The following SCAMP4 variants were observed in gnomAD, a reference collection of about 807,000 sequenced individuals.
SCAMP4 encodes the protein secretory carrier membrane protein 4.
Under a neutral mutation model 32.1 loss-of-function variants are expected in SCAMP4, and 19 were observed. The observed-to-expected ratio is 0.59, with a 90% CI of 0.41 to 0.87. The LOEUF (loss-of-function observed/expected upper bound fraction) is 0.87. SCAMP4 is among the 40% of genes least tolerant of loss of function. The probability of loss-of-function intolerance (pLI) is 0.00; values close to 1 mark genes in which losing one functional copy is unlikely to be tolerated. For missense variants in SCAMP4, 302 were observed against 309.0 expected, an observed-to-expected ratio of 0.98 and a Z score of 0.17; for synonymous variants, 152 against 132.7, an observed-to-expected ratio of 1.15 and a Z score of -1.00.
intron 4 of SCAMP4, 114 bp from the exon 5 acceptor site, chr19:1,918,775 A>T: frequency 2.8e-6 from 4 of 1,408,098 alleles, no homozygotes; most frequent in Non-Finnish European, 3.8e-6. Flanking sequence ...AAAAAAAAAA[A>T]AGGAATAAAA....
intron 5 of SCAMP4, chr19:1,920,607 C>T (rs893651700): frequency 1.8e-5 from 18 of 985,472 alleles, no homozygotes; most frequent in Non-Finnish European, 2.2e-5. Flanking sequence ...GCCTGGGACT[C>T]CCAGCTCTGC....
chr19:1,921,607 G>A (rs537404344), intron 5 of SCAMP4: 735 of 985,438 alleles, frequency 7.5e-4, no homozygotes, highest in African/African-American at 6.9e-3. Context: ...CTGCGGGGGC[G>A]GCGGCAGGAG....
rs142714763 is a variant in SCAMP4 at position 1,911,714 on chromosome 19, C to T, written c.-41-3265C>T. Among the ~76,000 whole-genome samples, 688 of 152,222 alleles carry T rather than the reference C, an allele frequency of 4.5e-3. 5 individuals carry two copies. The highest frequency in any genetic ancestry group is 0.016 in the African/African-American group (652 of 41,516). On this transcript the variant is annotated intron_variant, in intron 1 of 6. Transcript: ENST00000316097. ...ATGAGAATAGCTTGAACCCGGGAGGCGGAGGTTGCAGTGAGCTGAGATCAT... is the reference window on the plus strand; with the variant it reads ...ATGAGAATAGCTTGAACCCGGGAGGTGGAGGTTGCAGTGAGCTGAGATCAT...
chr19:1,912,406 G>A (rs1176081689), intron 1 of SCAMP4: 48 of 1,514,406 alleles, frequency 3.2e-5, no homozygotes, highest in Admixed American at 4.1e-5. Context: ...TCGGGCCCGC[G>A]CTCGCTGGCT....
At position 1,905,403 on chromosome 19, in the gene SCAMP4, C is replaced by G. The variant is rs549956712; in HGVS notation, c.-78C>G. The G allele has an allele frequency of 8.6e-6, 4 of 464,446 alleles. No homozygotes were observed. The highest frequency in any genetic ancestry group is 1.6e-5 in the South Asian group (1 of 63,354). 28.8% of individuals were successfully genotyped at this position (464,446 alleles called of 1,614,324 possible). On this transcript the variant is annotated 5_prime_UTR_variant, in exon 1 of 7. Coordinates refer to ENST00000316097, the MANE Select transcript of SCAMP4 (RefSeq NM_079834.4). ...GGTTGGGCCGGGCCGGTTGCTAAGA[C>G]TTGGCGAAGCGCTGCGCTCGCGCCC...
At chr19:1,921,816 C>T (rs1341985544) in intron 5 of SCAMP4, 4 of 983,062 alleles carry the variant, frequency 4.1e-6, no homozygotes, top group Non-Finnish European at 4.8e-6. Flanking sequence ...ACCATCTCTC[C>T]AGAAAAAAAA....
chr19:1,919,177 C>G, intron 5 of SCAMP4, 187 bp downstream of exon 5: 1 of 1,424,392 alleles, frequency 7.0e-7, no homozygotes, highest in Non-Finnish European at 9.2e-7. Context: ...TCGCCAGCAC[C>G]CAGCCATGGT....
intron 1 of SCAMP4, chr19:1,913,451 G>A: frequency 2.0e-6 from 1 of 511,172 alleles, no homozygotes; most frequent in South Asian, 2.3e-5. Context: ...AAACCAAGTG[G>A]GTGTCTGTTA....
At chr19:1,913,071 C>T (rs1355939016) in intron 1 of SCAMP4, 2 of 1,602,116 alleles carry the variant, frequency 1.2e-6, no homozygotes, top group Non-Finnish European at 1.7e-6. Flanking sequence ...CATCCACGCA[C>T]GGCCCGACCT....
intron 1 of SCAMP4, among the ~76,000 whole-genome samples, chr19:1,910,390 C>G (rs1345825256): frequency 1.3e-5 from 2 of 152,186 alleles, no homozygotes; most frequent in Non-Finnish European, 2.9e-5. Flanking sequence ...GCTCTGGCTT[C>G]TGGAGATGCA....
At chr19:1,912,023 TC>T (rs909452765) in intron 1 of SCAMP4, 11 of 1,418,080 alleles carry the variant, frequency 7.8e-6, no homozygotes, top group Admixed American at 3.0e-5. Flanking sequence ...TCCCCGGCTC[TC>T]CCCCAGCCGC....
rs1355808375 is a variant in SCAMP4 at position 1,923,897 on chromosome 19, TGACAGGCG to T, written c.514-210_514-203del. On this transcript the variant is annotated intron_variant, in intron 6 of 6. Coordinates refer to ENST00000316097, the MANE Select transcript of SCAMP4 (RefSeq NM_079834.4). ...GCCTCGGCCTCCCGAAGTGCTGGGA[TGACAGGCG>T]TGAGCCACCGTGCCCGGCCTATTTT... Among the ~76,000 whole-genome samples, 49 of 115,430 alleles carry T rather than the reference TGACAGGCG, an allele frequency of 4.2e-4. 1 individual carries two copies. The highest frequency in any genetic ancestry group is 1.9e-3 in the South Asian group (6 of 3,234). The allele number at this position is 115,430 out of a possible 152,430, so 75.7% of individuals were successfully genotyped here. A position where few individuals can be genotyped will look rare whatever the true frequency, so the allele number is the denominator to read the frequency against.
chr19:1,911,141 C>G (rs1351872683), intron 1 of SCAMP4, among the ~76,000 whole-genome samples: 1 of 152,080 alleles, frequency 6.6e-6, no homozygotes, highest in Non-Finnish European at 1.5e-5. Flanking sequence ...TCCCAAAGTG[C>G]TAGGATTACA....
intron 5 of SCAMP4, chr19:1,920,040 T>C: frequency 1.7e-6 from 1 of 592,274 alleles, no homozygotes; most frequent in Non-Finnish European, 2.1e-6. Flanking sequence ...CTGAAACTCC[T>C]AACCTCGTGA....
At position 1,912,491 on chromosome 19, in the gene SCAMP4, G is replaced by A. The variant is rs937114381; in HGVS notation, c.-41-2488G>A. The A allele has an allele frequency of 1.3e-4, 190 of 1,497,208 alleles. 1 individual carries two copies. The highest frequency in any genetic ancestry group is 1.6e-4 in the Non-Finnish European group (177 of 1,130,888). The allele number at this position is 1,497,208 out of a possible 1,614,324, so 92.7% of individuals were successfully genotyped here. On this transcript the variant is annotated intron_variant, in intron 1 of 6. Coordinates refer to ENST00000316097, the MANE Select transcript of SCAMP4 (RefSeq NM_079834.4). ...TCCTGGTGCCCGTGCCCGCCCGGCC[G>A]CCTCTGACCAGGGGCCAGTTCGAGG... is the stretch of plus-strand genomic sequence containing the variant.
intron 5 of SCAMP4, chr19:1,919,473 A>T: frequency 9.1e-6 from 9 of 983,900 alleles, no homozygotes; most frequent in Non-Finnish European, 1.1e-5. Flanking sequence ...TGGTGTCTTA[A>T]ATTTCTGCCT....
chr19:1,919,227 C>G, intron 5 of SCAMP4: 1 of 1,378,150 alleles, frequency 7.3e-7, no homozygotes. Context: ...GGTCCGAGCT[C>G]GCCCTGGCAG....
chr19:1,922,938 G>A (rs1289862011), intron 5 of SCAMP4, 132 bp from the exon 6 acceptor site: 5 of 1,354,684 alleles, frequency 3.7e-6, no homozygotes, highest in Admixed American at 3.6e-5. Flanking sequence ...TGGCCACTTG[G>A]TCGTCCTTGT....
chr19:1,912,278 G>A, intron 1 of SCAMP4: 1 of 1,587,758 alleles, frequency 6.3e-7, no homozygotes, highest in East Asian at 2.3e-5. Context: ...GCCTCCTGAA[G>A]GAGGTGTCGG....
Sources: gnomAD v4.1 joint callset for allele counts (sites outside exome capture counted in the v4.1 genomes callset) on GRCh38, gnomAD v4.1.1 for gene constraint, MANE v1.5 for transcripts, NCBI Gene and HGNC (gene_info 2026-07-23, HGNC 2026-07-21) for gene names.